Variants in WDR72 observed in about 807,000 individuals in gnomAD.
WDR72 encodes WD repeat domain 72, also known as WD repeat-containing protein 72.
WDR72 carries 120 observed loss-of-function variants against 124.2 expected under a neutral mutation model. That is an observed-to-expected ratio of 0.97 (90% confidence interval 0.83 to 1.12). The LOEUF is 1.12. Among genes scored for constraint, WDR72 ranks in the 50% most tolerant of loss-of-function variants. WDR72 has a pLI of 0.00. For synonymous variants in WDR72, 452 were observed against 441.7 expected (o/e 1.02, Z -0.29); for missense variants, 1,387 against 1,278.8 (o/e 1.08, Z -1.29).
chr15:53,679,900 G>A (rs540560153), intron 13 of WDR72, among the ~76,000 whole-genome samples: 2 of 150,252 alleles, frequency 1.3e-5, no homozygotes, highest in African/African-American at 2.5e-5. Flanking sequence ...CTGGAGCAAG[G>A]TCTAACAGAG....
chr15:53,611,312 C>T (rs181816590), intron 16 of WDR72, among the ~76,000 whole-genome samples: 2 of 152,052 alleles, frequency 1.3e-5, no homozygotes, highest in African/African-American at 4.8e-5. Context: ...TAAGTGCCAA[C>T]CTAAATTCCA....
At chr15:53,700,150 A>T (rs6493643) in intron 12 of WDR72, among the ~76,000 whole-genome samples, 10,907 of 152,262 alleles carry the variant, frequency 0.072, 983 homozygotes, top group African/African-American at 0.21. Flanking sequence ...CAACAACTTC[A>T]CAGGAAGGTC....
chr15:53,626,743 T>C (rs747498627), intron 14 of WDR72, among the ~76,000 whole-genome samples: 10 of 152,170 alleles, frequency 6.6e-5, no homozygotes, highest in East Asian at 3.9e-4. Flanking sequence ...ACTATCTGAT[T>C]GGTCGGGTGT....
intron 14 of WDR72, among the ~76,000 whole-genome samples, chr15:53,654,001 T>A (rs1295118570): frequency 6.6e-6 from 1 of 152,178 alleles, no homozygotes; most frequent in African/African-American, 2.4e-5. Context: ...AGTCTGGAAA[T>A]CAACACAAAA....
At chr15:53,642,027 T>C (rs2014870982) in intron 14 of WDR72, among the ~76,000 whole-genome samples, 1 of 151,948 alleles carries the variant, frequency 6.6e-6, no homozygotes, top group South Asian at 2.1e-4. Flanking sequence ...GTAATTTTAC[T>C]TGGTATGATT....
intron 1 of WDR72, among the ~76,000 whole-genome samples, chr15:53,743,831 C>T (rs2018572369): frequency 6.6e-6 from 1 of 152,006 alleles, no homozygotes; most frequent in Non-Finnish European, 1.5e-5. Flanking sequence ...AAAACTTAGC[C>T]GGGCGTGGTG....
intron 13 of WDR72, among the ~76,000 whole-genome samples, chr15:53,667,290 G>C (rs1271517603): frequency 6.6e-6 from 1 of 152,150 alleles, no homozygotes; most frequent in Non-Finnish European, 1.5e-5. Context: ...GAAGGTCAAG[G>C]CTACAGTGAG....
At chr15:53,647,777 A>G (rs188833517) in intron 14 of WDR72, among the ~76,000 whole-genome samples, 95 of 152,266 alleles carry the variant, frequency 6.2e-4, no homozygotes, top group African/African-American at 2.2e-3. Flanking sequence ...TTACTAGAAC[A>G]TAATATAGCC....
chr15:53,712,549 C>T (rs986765320), intron 7 of WDR72, among the ~76,000 whole-genome samples: 3 of 151,714 alleles, frequency 2.0e-5, no homozygotes, highest in Non-Finnish European at 4.4e-5. Flanking sequence ...GAGCTGAGAT[C>T]GTGCCGCTGC....
At chr15:53,616,466 T>C (rs79994994) in intron 14 of WDR72, among the ~76,000 whole-genome samples, 8,461 of 152,004 alleles carry the variant, frequency 0.056, 322 homozygotes, top group South Asian at 0.093. Flanking sequence ...AGTTTTATTT[T>C]TCCTCTAAAT....
At chr15:53,664,611 T>G (rs78978514) in intron 14 of WDR72, among the ~76,000 whole-genome samples, 4,706 of 151,590 alleles carry the variant, frequency 0.031, 262 homozygotes, top group African/African-American at 0.11. Context: ...ACCATTAAAA[T>G]AACAGAAAAG....
At chr15:53,753,155 C>G (rs1271534090) in intron 1 of WDR72, among the ~76,000 whole-genome samples, 1 of 152,192 alleles carries the variant, frequency 6.6e-6, no homozygotes, top group Non-Finnish European at 1.5e-5. Flanking sequence ...TATCTTCTTC[C>G]TTGGCCCTGA....
At chr15:53,554,729 G>A (rs1034894827) in intron 18 of WDR72, among the ~76,000 whole-genome samples, 1 of 152,088 alleles carries the variant, frequency 6.6e-6, no homozygotes, top group Admixed American at 6.6e-5. Context: ...CAGGGAGTGA[G>A]GAAAAATGAC....
chr15:53,705,349 G>C, intron 10 of WDR72, 116 bp from the exon 11 acceptor site: 1 of 905,488 alleles, frequency 1.1e-6, no homozygotes. Flanking sequence ...GCCTATCCCA[G>C]ATTCATATTG....
intron 2 of WDR72, 78 bp from the exon 3 acceptor site, chr15:53,722,986 A>G (rs1304375784): frequency 2.2e-6 from 3 of 1,334,848 alleles, no homozygotes; most frequent in Admixed American, 3.4e-5. Flanking sequence ...AGTATTCATA[A>G]CTCTGATTAG....
intron 18 of WDR72, among the ~76,000 whole-genome samples, chr15:53,546,055 C>T (rs1195301298): frequency 7.1e-6 from 1 of 141,436 alleles, no homozygotes; most frequent in Admixed American, 7.0e-5. Flanking sequence ...AACACTTTTA[C>T]ACTGTTGGTG....
At position 53,513,920 on chromosome 15, in the gene WDR72, A is replaced by C. The variant is rs1891306352; in HGVS notation, c.*3779T>G. The C allele has an allele frequency of 6.6e-6, 1 of 152,090 alleles. No individual in the cohort carries two copies. The highest frequency in any genetic ancestry group is 2.1e-4 in the South Asian group (1 of 4,820). 9.4% of individuals were successfully genotyped at this position (152,090 alleles called of 1,614,324 possible). A position where few individuals can be genotyped will look rare whatever the true frequency, so the allele number is the denominator to read the frequency against. On this transcript the variant is annotated 3_prime_UTR_variant, in exon 20 of 20. Transcript: ENST00000360509. Reference sequence around the variant, plus strand: ...CACATGCTGTCTTCCAGGGGTCCCAAATTGGATGGGTGTTTCCAGTGGCAT... The same window carrying C: ...CACATGCTGTCTTCCAGGGGTCCCACATTGGATGGGTGTTTCCAGTGGCAT...
intron 18 of WDR72, among the ~76,000 whole-genome samples, chr15:53,557,810 C>T (rs1463929857): frequency 2.0e-5 from 3 of 151,834 alleles, no homozygotes; most frequent in Non-Finnish European, 4.4e-5. Flanking sequence ...AAATGTTTTA[C>T]ATATATTAAT....
intron 13 of WDR72, among the ~76,000 whole-genome samples, chr15:53,685,776 GA>G (rs756443632): frequency 2.7e-5 from 4 of 149,478 alleles, no homozygotes; most frequent in Non-Finnish European, 5.9e-5. Context: ...CACCAAAGTT[GA>G]AATGAGGAAA....
Sources: gnomAD v4.1 joint callset for allele counts (sites outside exome capture counted in the v4.1 genomes callset) on GRCh38, gnomAD v4.1.1 for gene constraint, MANE v1.5 for transcripts, NCBI Gene and HGNC (gene_info 2026-07-23, HGNC 2026-07-21) for gene names.